XPO5: variants seen among roughly 807,000 people sequenced by gnomAD.
XPO5 encodes exportin-5.
Under a neutral mutation model 160.6 loss-of-function variants are expected in XPO5, and 46 were observed. The observed-to-expected ratio is 0.29, with a 90% CI of 0.23 to 0.37. XPO5 has a LOEUF of 0.37. Among genes scored for constraint, XPO5 ranks in the 10% least tolerant of loss-of-function variants. XPO5 has a pLI of 1.00. For synonymous variants in XPO5, 537 were observed against 519.3 expected, an observed-to-expected ratio of 1.03 and a Z score of -0.46; for missense variants, 1,090 against 1,463.9, an observed-to-expected ratio of 0.74 and a Z score of 4.17.
At chr6:43,534,944 G>A (rs1020533635) in intron 20 of XPO5, among the ~76,000 whole-genome samples, 2 of 151,846 alleles carry the variant, frequency 1.3e-5, no homozygotes, top group East Asian at 1.9e-4. Flanking sequence ...GTGGTGAGCC[G>A]AGATCATACC....
In XPO5 at chr6:43,547,449, C is replaced by G. The variant is rs1036245339; in HGVS notation, c.2160+159G>C. The G allele has an allele frequency of 2.2e-5, 16 of 722,872 alleles. No individual in the cohort carries two copies. The Admixed American group carries it at 2.8e-4, about 13-fold the overall frequency. 44.8% of individuals were successfully genotyped at this position (722,872 alleles called of 1,614,324 possible). On this transcript the variant is annotated intron_variant, in intron 19 of 31. Transcript: ENST00000265351. ...TGCTGTGGGAACTAACTCAAGAATT[C>G]AAGACTAAAGAAGAAAAGAAAGGAG...
chr6:43,549,494 C>G lies in XPO5; in HGVS notation c.1855G>C (p.Val619Leu). The change falls in exon 17 of 32, where the codon GTG (valine) becomes CTG (leucine). Residue 619 changes from valine (V) to leucine (L), a missense_variant. Physicochemically the swap from Val to Leu is conservative, Grantham distance 32. Around this residue, in one of 3 missense-constraint regions of XPO5, gnomAD observed 810 missense variants for 1,139.0 expected, o/e 0.71. Transcript: ENST00000265351. The stretch of plus-strand genomic sequence containing the variant: ...GCCAGGGTCCAGCAGCTTACCAGCA[C>G]AAGCTGGGGGTAGTCACGACACATC... ...IKMCRDYPQL[V>L]LPNFDMLYNH... The G allele has an allele frequency of 6.2e-7, 1 of 1,609,712 alleles. No individual in the cohort carries two copies. The highest frequency in any genetic ancestry group is 8.5e-7 in the Non-Finnish European group (1 of 1,178,372).
intron 8 of XPO5, among the ~76,000 whole-genome samples, 163 bp downstream of exon 8, chr6:43,565,497 G>A (rs554219539): frequency 2.6e-5 from 4 of 151,920 alleles, no homozygotes; most frequent in South Asian, 2.1e-4. Context: ...CCCAGGAGAC[G>A]GAGGTTGTGG....
chr6:43,569,648 G>A (rs1022394086), intron 5 of XPO5, among the ~76,000 whole-genome samples: 10 of 151,106 alleles, frequency 6.6e-5, no homozygotes, highest in South Asian at 2.1e-4. Context: ...CAGGAGAATC[G>A]CTTGAACCCA....
At chr6:43,557,511 T>C (rs747920311) in intron 12 of XPO5, among the ~76,000 whole-genome samples, 2 of 152,116 alleles carry the variant, frequency 1.3e-5, no homozygotes, top group Non-Finnish European at 2.9e-5. Context: ...GCAGTCACAA[T>C]AGACCATGTA....
intron 8 of XPO5, among the ~76,000 whole-genome samples, chr6:43,565,422 C>G (rs547649437): frequency 6.6e-6 from 1 of 151,778 alleles, no homozygotes; most frequent in South Asian, 2.1e-4. Flanking sequence ...GAAAAATTAG[C>G]CAGGCATGGT....
intron 20 of XPO5, among the ~76,000 whole-genome samples, chr6:43,537,871 A>T (rs1277931990): frequency 6.6e-6 from 1 of 151,988 alleles, no homozygotes; most frequent in East Asian, 1.9e-4. Context: ...GTTTGAGACC[A>T]GCCTGGGTAA....
At chr6:43,559,296 CA>C (rs535637151) in intron 11 of XPO5, among the ~76,000 whole-genome samples, 91 of 149,912 alleles carry the variant, frequency 6.1e-4, no homozygotes, top group Middle Eastern at 3.4e-3. Flanking sequence ...GACTCCGTCT[CA>C]AAAAAAAACA....
At chr6:43,556,186 G>T (rs1273104861) in intron 12 of XPO5, 11 of 483,536 alleles carry the variant, frequency 2.3e-5, no homozygotes, top group South Asian at 3.3e-5. Context: ...GCTAGATCCT[G>T]TAAGTGGCAA....
At chr6:43,569,339 AAT>A (rs1325766095) in intron 5 of XPO5, among the ~76,000 whole-genome samples, 1 of 152,134 alleles carries the variant, frequency 6.6e-6, no homozygotes, top group African/African-American at 2.4e-5. Flanking sequence ...TATGATGTTA[AAT>A]ACATCAGAAT....
chr6:43,530,058 C>T (rs1449407089), intron 23 of XPO5, among the ~76,000 whole-genome samples: 10 of 152,032 alleles, frequency 6.6e-5, no homozygotes, highest in Admixed American at 3.9e-4. Context: ...AGTTTGAGAC[C>T]AGCCTGGCCA....
chr6:43,543,385 C>T (rs1338956926), intron 20 of XPO5, among the ~76,000 whole-genome samples: 3 of 152,156 alleles, frequency 2.0e-5, no homozygotes, highest in Admixed American at 6.5e-5. Context: ...CCCATGAGGT[C>T]GAGGCTGCAG....
Position 43,560,295 on chromosome 6 carries a change from G to T in XPO5, c.1104C>A (p.Arg368=). Residue 368 remains arginine (R), a synonymous_variant, in exon 11 of 32, where the codon CGC becomes CGA. Coordinates refer to ENST00000265351, the MANE Select transcript of XPO5 (RefSeq NM_020750.3). The part of the protein sequence containing the change: ...AFTTHPSQFL[R]SSTQMTWGAL... ...CTCCCCAAGTCATCTGAGTTGAAGA[G>T]CGTAGAAACTAAAGAGAAAAAAAAA... 1 of 1,606,684 alleles carries T rather than the reference G, an allele frequency of 6.2e-7. No homozygotes were observed. The highest frequency in any genetic ancestry group is 1.7e-5 in the Admixed American group (1 of 58,596).
chr6:43,558,696 G>A (rs952154922), intron 11 of XPO5, 105 bp from the exon 12 acceptor site: 55 of 804,888 alleles, frequency 6.8e-5, no homozygotes, highest in African/African-American at 5.6e-4. Flanking sequence ...AGAGTTAAGC[G>A]TTTGCATGAG....
intron 20 of XPO5, among the ~76,000 whole-genome samples, chr6:43,534,758 G>A (rs1207671359): frequency 1.3e-5 from 2 of 152,196 alleles, no homozygotes; most frequent in African/African-American, 4.8e-5. Flanking sequence ...AGTACTTTGG[G>A]AGGCCGAGGC....
intron 20 of XPO5, among the ~76,000 whole-genome samples, chr6:43,541,139 T>G (rs79410907): frequency 0.04 from 6,018 of 152,140 alleles, 382 homozygotes; most frequent in African/African-American, 0.13. Flanking sequence ...AGGTAGGGAT[T>G]GTTAATGGGT....
chr6:43,536,072 C>A (rs1794302808), intron 20 of XPO5, among the ~76,000 whole-genome samples: 1 of 151,708 alleles, frequency 6.6e-6, no homozygotes, highest in Non-Finnish European at 1.5e-5. Flanking sequence ...CGTGCCACTG[C>A]ACTCCAGCCT....
At chr6:43,573,671 A>G in intron 1 of XPO5, 70 bp from the exon 2 acceptor site, 5 of 1,531,148 alleles carry the variant, frequency 3.3e-6, no homozygotes, top group Non-Finnish European at 1.8e-6. Context: ...TTTCATCTTA[A>G]GAAACTCCAA....
chr6:43,552,933 G>C (rs1406180216), intron 14 of XPO5, among the ~76,000 whole-genome samples: 2 of 152,142 alleles, frequency 1.3e-5, no homozygotes, highest in African/African-American at 4.8e-5. Flanking sequence ...CCATTTATTA[G>C]CTGTTTGAAC....
Sources: gnomAD v4.1 joint callset for allele counts (sites outside exome capture counted in the v4.1 genomes callset) on GRCh38, gnomAD v4.1.1 for gene constraint, gnomAD v4.1.1 regional missense constraint, MANE v1.5 for transcripts, NCBI Gene and HGNC (gene_info 2026-07-23, HGNC 2026-07-21) for gene names.